Variants in AGBL1 observed in about 807,000 individuals in gnomAD.
AGBL1 encodes the protein AGBL carboxypeptidase 1.
Under a neutral mutation model 118.9 loss-of-function variants are expected in AGBL1, and 130 were observed. That is an observed-to-expected ratio of 1.09 (90% CI 0.95 to 1.26). AGBL1 has a LOEUF of 1.26. Ranked by LOEUF, AGBL1 falls within the 50% of genes most tolerant of loss-of-function variation. The probability of loss-of-function intolerance (pLI) is 0.00; values close to 1 mark genes in which losing one functional copy is unlikely to be tolerated. For synonymous variants in AGBL1, 555 were observed against 478.9 expected, an observed-to-expected ratio of 1.16 and a Z score of -2.08; for missense variants, 1,584 against 1,298.1, an observed-to-expected ratio of 1.22 and a Z score of -3.38.
intron 5 of AGBL1, among the ~76,000 whole-genome samples, chr15:86,179,466 A>G (rs959171010): frequency 6.6e-6 from 1 of 152,202 alleles, no homozygotes; most frequent in Admixed American, 6.5e-5. Context: ...CCGACAATAT[A>G]TGATTATCTC....
intron 19 of AGBL1, among the ~76,000 whole-genome samples, chr15:86,537,755 T>G (rs947559203): frequency 2.0e-5 from 3 of 152,236 alleles, no homozygotes; most frequent in South Asian, 2.1e-4. Context: ...GCAAGTTGCT[T>G]AACCTCCTTT....
intron 1 of AGBL1, among the ~76,000 whole-genome samples, chr15:86,112,303 C>A (rs987972413): frequency 5.9e-5 from 9 of 151,906 alleles, no homozygotes; most frequent in Admixed American, 5.2e-4. Flanking sequence ...GATGTATGGG[C>A]GTTTGTCATT....
chr15:86,339,018 C>G (rs533522716), intron 17 of AGBL1, among the ~76,000 whole-genome samples: 1 of 152,144 alleles, frequency 6.6e-6, no homozygotes, highest in Admixed American at 6.5e-5. Flanking sequence ...TTTGTCAGTG[C>G]TTTTTATGCG....
At chr15:86,273,514 A>G (rs1447989972) in intron 15 of AGBL1, among the ~76,000 whole-genome samples, 3 of 152,180 alleles carry the variant, frequency 2.0e-5, no homozygotes, top group Non-Finnish European at 4.4e-5. Flanking sequence ...TGTAATCTCT[A>G]TTCACCCACA....
At chr15:86,869,910 T>C (rs1247411777) in intron 22 of AGBL1, among the ~76,000 whole-genome samples, 1 of 152,180 alleles carries the variant, frequency 6.6e-6, no homozygotes, top group African/African-American at 2.4e-5. Flanking sequence ...TTTTGTTACT[T>C]GACAGTACCT....
At chr15:86,796,510 G>T (rs2078574012) in intron 22 of AGBL1, among the ~76,000 whole-genome samples, 2 of 152,170 alleles carry the variant, frequency 1.3e-5, no homozygotes, top group Non-Finnish European at 2.9e-5. Context: ...GTCACACCCA[G>T]GACATGACAA....
rs1333015943 is a variant in AGBL1 at position 86,915,330 on chromosome 15, A to G, written c.*8036A>G. 1 of 152,214 alleles carries G rather than the reference A, an allele frequency of 6.6e-6. No individual in the cohort carries two copies. The highest frequency in any genetic ancestry group is 1.9e-4 in the East Asian group (1 of 5,192). 9.4% of individuals were successfully genotyped at this position (152,214 alleles called of 1,614,324 possible). On this transcript the variant is annotated 3_prime_UTR_variant, in exon 23 of 23. Transcript: ENST00000614907. ...TGACCTCCCATGGTCTTAAGGATAA[A>G]ATGCAGACAGGACCTAGTGCTTGAG...
At chr15:86,138,915 G>A (rs1455070703) in intron 1 of AGBL1, among the ~76,000 whole-genome samples, 1 of 152,146 alleles carries the variant, frequency 6.6e-6, no homozygotes, top group Admixed American at 6.5e-5. Flanking sequence ...TCTTCTGTGA[G>A]CCATCTTTGG....
downstream of AGBL1, among the ~76,000 whole-genome samples, chr15:87,029,341 A>G (rs759401122): frequency 2.3e-4 from 35 of 152,032 alleles, no homozygotes; most frequent in Middle Eastern, 3.4e-3. Flanking sequence ...ACATCCATCA[A>G]TTTAAACATA....
chr15:86,940,631 T>G (rs567062477), intron 23 of AGBL1, among the ~76,000 whole-genome samples: 47 of 152,306 alleles, frequency 3.1e-4, no homozygotes, highest in African/African-American at 1.1e-3. Flanking sequence ...ATGGAGTCAC[T>G]TATGCTGAGG....
At chr15:86,146,194 G>A (rs943545534) in intron 3 of AGBL1, among the ~76,000 whole-genome samples, 2 of 152,238 alleles carry the variant, frequency 1.3e-5, no homozygotes, top group South Asian at 2.1e-4. Context: ...TGTGGGTTCT[G>A]CACCCATGGA....
rs566302155 is a variant in AGBL1, at chr15:86,915,300, G to T, written c.*8006G>T. ...CTTCTACTTTCGCAGTTTATAATTT[G>T]TCAGTGACCTCCCATGGTCTTAAGG... On this transcript the variant is annotated 3_prime_UTR_variant, in exon 23 of 23. Transcript: ENST00000614907. The T allele has an allele frequency of 5.3e-5, 8 of 152,286 alleles. No homozygotes were observed. The highest frequency in any genetic ancestry group is 1.2e-4 in the Non-Finnish European group (8 of 68,040). 9.4% of individuals were successfully genotyped at this position (152,286 alleles called of 1,614,324 possible).
intron 18 of AGBL1, among the ~76,000 whole-genome samples, chr15:86,419,442 T>A (rs2081753867): frequency 6.6e-6 from 1 of 152,180 alleles, no homozygotes; most frequent in Admixed American, 6.5e-5. Context: ...TACTATGCTT[T>A]TCCCACAGTC....
chr15:86,364,235 A>G (rs1269468335), intron 17 of AGBL1, among the ~76,000 whole-genome samples: 3 of 152,230 alleles, frequency 2.0e-5, no homozygotes, highest in Non-Finnish European at 4.4e-5. Flanking sequence ...CTCTCCACAT[A>G]CTTTAACCAC....
At chr15:86,679,832 CTT>C (rs1178076906) in intron 22 of AGBL1, among the ~76,000 whole-genome samples, 1 of 151,980 alleles carries the variant, frequency 6.6e-6, no homozygotes, top group Non-Finnish European at 1.5e-5. Context: ...TTAATAAAAT[CTT>C]ATAGATTTTC....
rs2080369763 is a variant in AGBL1, at chr15:86,912,866, A to G, written c.*5572A>G. On this transcript the variant is annotated 3_prime_UTR_variant, in exon 23 of 23. Coordinates refer to ENST00000614907, the MANE Select transcript of AGBL1 (RefSeq NM_001386094.1). ...CCAAACTCTCTAGTCTTGGAAAGACATGCATAGTAGCCTGGTGCCCACCAG... is the reference window on the plus strand; with the variant it reads ...CCAAACTCTCTAGTCTTGGAAAGACGTGCATAGTAGCCTGGTGCCCACCAG... 6.6e-6 allele frequency: 1 copy of G among 152,216 alleles called. No homozygotes were observed. The highest frequency in any genetic ancestry group is 2.1e-4 in the South Asian group (1 of 4,832). 9.4% of individuals were successfully genotyped at this position (152,216 alleles called of 1,614,324 possible). A position where few individuals can be genotyped will look rare whatever the true frequency, so the allele number is the denominator to read the frequency against.
At chr15:86,248,003 G>A in intron 7 of AGBL1, 124 bp downstream of exon 7, 1 of 1,265,784 alleles carries the variant, frequency 7.9e-7, no homozygotes, top group Non-Finnish European at 1.1e-6. Context: ...TGCCTGCTAA[G>A]GGCGGATGTT....
chr15:86,447,993 A>C (rs1218451989), intron 18 of AGBL1, among the ~76,000 whole-genome samples: 1 of 151,926 alleles, frequency 6.6e-6, no homozygotes, highest in Non-Finnish European at 1.5e-5. Context: ...AAAAATACAA[A>C]AACTAGCCGG....
intron 7 of AGBL1, among the ~76,000 whole-genome samples, chr15:86,255,289 C>A (rs187702746): frequency 2.0e-5 from 3 of 152,254 alleles, no homozygotes; most frequent in Admixed American, 2.0e-4. Context: ...GACCATTTGA[C>A]CAGACCAAAG....
Sources: gnomAD v4.1 joint callset for allele counts (sites outside exome capture counted in the v4.1 genomes callset) on GRCh38, gnomAD v4.1.1 for gene constraint, MANE v1.5 for transcripts, NCBI Gene and HGNC (gene_info 2026-07-23, HGNC 2026-07-21) for gene names.